The following KRT8 variants were observed in gnomAD, a reference collection of about 807,000 sequenced individuals.
The protein encoded by KRT8 is keratin 8.
A neutral mutation model predicts 43.0 loss-of-function variants in KRT8; 24 were observed. That is an observed-to-expected ratio of 0.56 (90% confidence interval 0.40 to 0.78). KRT8 has a LOEUF of 0.78. Among genes scored for constraint, KRT8 ranks in the 30% least tolerant of loss-of-function variants. The pLI is 0.00. For synonymous variants in KRT8, 214 were observed against 261.2 expected (o/e 0.82, Z 1.74); for missense variants, 492 against 638.4 (o/e 0.77, Z 2.47).
At chr12:52,915,933 CAG>C (rs1424185705) in intron 2 of KRT8, among the ~76,000 whole-genome samples, 1 of 152,120 alleles carries the variant, frequency 6.6e-6, no homozygotes, top group East Asian at 1.9e-4. Flanking sequence ...ATATTGATTT[CAG>C]ATAAATAAAT....
chr12:52,897,408 G>C (rs753950633), exon 8 of KRT8: 1 of 1,594,732 alleles, frequency 6.3e-7, no homozygotes, highest in Admixed American at 1.7e-5. Flanking sequence ...GGGTAGGCTG[G>C]GAGGGGCTGC....
upstream of KRT8, chr12:52,906,991 TACACAC>T (rs112479898): frequency 6.5e-5 from 19 of 292,452 alleles, no homozygotes; most frequent in South Asian, 2.3e-4. Flanking sequence ...CACGCGTGCA[TACACAC>T]ACACACACAC....
At chr12:52,905,363 C>A (rs1324209834), upstream of KRT8, among the ~76,000 whole-genome samples, 1 of 152,192 alleles carries the variant, frequency 6.6e-6, no homozygotes, top group East Asian at 1.9e-4. Context: ...GCCTGGGCCG[C>A]CCAGCCACTA....
rs751197875 is a variant in KRT8 at position 52,898,531 on chromosome 12, C to A, written c.1203-12G>T. ...TCCCAGACTCCAGCCTGTACCCAGA[C>A]AAATGGGGTGTCAGGACCAACTCCT... On this transcript the variant is annotated splice_polypyrimidine_tract_variant and intron_variant, in intron 6 of 7. Coordinates refer to ENST00000692008, the Ensembl canonical transcript of KRT8. 5.0e-6 allele frequency: 8 copies of A among 1,613,994 alleles called. No homozygotes were observed. The Admixed American group carries it at 1.2e-4, about 24-fold the overall frequency.
chr12:52,906,189 G>A (rs145690033), upstream of KRT8, among the ~76,000 whole-genome samples: 808 of 152,280 alleles, frequency 5.3e-3, 21 homozygotes, highest in Admixed American at 0.05. Context: ...AACACTGTAG[G>A]CCTCACTGAA....
chr12:52,899,158 CA>C (rs1025014290), intron 5 of KRT8, among the ~76,000 whole-genome samples: 7 of 151,840 alleles, frequency 4.6e-5, no homozygotes, highest in Non-Finnish European at 8.8e-5. Context: ...AGTAAAAATA[CA>C]AAAAAAATTA....
chr12:52,900,455 G>T, intron 4 of KRT8, 133 bp downstream of exon 4: 1 of 720,676 alleles, frequency 1.4e-6, no homozygotes, highest in South Asian at 1.5e-5. Context: ...AAATATTGGT[G>T]GCTGTAATTA....
At chr12:52,921,510 T>A (rs1319399769) in intron 2 of KRT8, among the ~76,000 whole-genome samples, 2 of 152,192 alleles carry the variant, frequency 1.3e-5, no homozygotes, top group Non-Finnish European at 2.9e-5. Flanking sequence ...CCTGACCCTA[T>A]CCTACTTGAC....
intron 2 of KRT8, among the ~76,000 whole-genome samples, chr12:52,936,285 G>T (rs1421334694): frequency 6.6e-6 from 1 of 151,782 alleles, no homozygotes; most frequent in African/African-American, 2.4e-5. Flanking sequence ...AATAAAAACA[G>T]AAAATCTTTG....
At chr12:52,942,476 G>T (rs917999632) in intron 2 of KRT8, among the ~76,000 whole-genome samples, 2 of 152,148 alleles carry the variant, frequency 1.3e-5, no homozygotes, top group Non-Finnish European at 2.9e-5. Flanking sequence ...ATCACCAGCT[G>T]CTCTGACCCC....
chr12:52,940,077 C>G, intron 2 of KRT8, among the ~76,000 whole-genome samples: 1 of 151,884 alleles, frequency 6.6e-6, no homozygotes, highest in East Asian at 1.9e-4. Context: ...ATACTGATAC[C>G]CTGCAATAAC....
intron 2 of KRT8, among the ~76,000 whole-genome samples, chr12:52,941,552 G>C (rs1297380123): frequency 7.6e-6 from 1 of 131,190 alleles, no homozygotes; most frequent in African/African-American, 2.9e-5. Context: ...GCAATGGCGT[G>C]ATCTCAGCTC....
At chr12:52,915,776 T>C (rs895793107) in intron 2 of KRT8, among the ~76,000 whole-genome samples, 3 of 151,814 alleles carry the variant, frequency 2.0e-5, no homozygotes, top group Non-Finnish European at 2.9e-5. Flanking sequence ...ACAACAGATG[T>C]TCACTACATA....
chr12:52,903,053 G>T (rs1941414269), intron 1 of KRT8, among the ~76,000 whole-genome samples: 3 of 152,078 alleles, frequency 2.0e-5, no homozygotes. Flanking sequence ...AACTGGAGGG[G>T]ACAGAAATCT....
At chr12:52,935,483 G>A (rs1942155459) in intron 2 of KRT8, among the ~76,000 whole-genome samples, 1 of 141,470 alleles carries the variant, frequency 7.1e-6, no homozygotes, top group Non-Finnish European at 1.5e-5. Flanking sequence ...ACGAGGTCAG[G>A]AGATCAAGAC....
rs1259150122 is a variant in KRT8, at chr12:52,897,708, C to A, written c.1262-90G>T. ...TTCTCCCTGCTCATTCCCAACATAG[C>A]CCCAGGGATGGGAGGTTAACCCAGC... is the stretch of plus-strand genomic sequence containing the variant. On this transcript the variant is annotated intron_variant, in intron 7 of 7. Transcript: ENST00000692008. 19 of 1,555,456 alleles carry A rather than the reference C, an allele frequency of 1.2e-5. No individual in the cohort carries two copies. The South Asian group carries it at 1.9e-4, about 16-fold the overall frequency.
At chr12:52,917,636 G>A (rs960046654) in intron 2 of KRT8, among the ~76,000 whole-genome samples, 1 of 151,284 alleles carries the variant, frequency 6.6e-6, no homozygotes, top group African/African-American at 2.4e-5. Flanking sequence ...TTGAACTCGG[G>A]AGGTGAAGTT....
intron 7 of KRT8, 137 bp from the exon 8 acceptor site, chr12:52,897,755 T>C: frequency 3.4e-6 from 4 of 1,184,924 alleles, no homozygotes; most frequent in Non-Finnish European, 4.9e-6. Context: ...AGTGATTGCA[T>C]GGTTCACTAC....
At chr12:52,935,645 AT>A (rs777479340) in intron 2 of KRT8, among the ~76,000 whole-genome samples, 474 of 142,738 alleles carry the variant, frequency 3.3e-3, no homozygotes, top group Middle Eastern at 3.7e-3. Flanking sequence ...AAATTTCATA[AT>A]TTTTTTTTTT....
Sources: allele counts gnomAD v4.1 joint callset (sites outside exome capture counted in the v4.1 genomes callset), GRCh38; gene constraint gnomAD v4.1.1; transcripts MANE v1.5; gene names NCBI Gene and HGNC (gene_info 2026-07-23, HGNC 2026-07-21).